Variants in FBXL17 observed in about 807,000 individuals in gnomAD.
The protein encoded by FBXL17 is F-box/LRR-repeat protein 17.
Under a neutral mutation model 66.2 loss-of-function variants are expected in FBXL17, and 22 were observed. That is an observed-to-expected ratio of 0.33 (90% CI 0.24 to 0.47). FBXL17 has a LOEUF of 0.47. Among genes scored for constraint, FBXL17 ranks in the 20% least tolerant of loss-of-function variants. The probability of loss-of-function intolerance (pLI) is 1.00; values close to 1 mark genes in which losing one functional copy is unlikely to be tolerated. For missense variants in FBXL17, 878 were observed against 948.2 expected, an observed-to-expected ratio of 0.93 and a Z score of 0.97; for synonymous variants, 474 against 400.5, an observed-to-expected ratio of 1.18 and a Z score of -2.19.
chr5:107,991,822 T>A (rs1263695369), intron 7 of FBXL17, among the ~76,000 whole-genome samples: 3 of 152,158 alleles, frequency 2.0e-5, no homozygotes, highest in Non-Finnish European at 2.9e-5. Context: ...TATCCTTTCA[T>A]TAGCTTGGAA....
At chr5:108,094,884 A>C (rs922830440) in intron 6 of FBXL17, among the ~76,000 whole-genome samples, 11 of 151,934 alleles carry the variant, frequency 7.2e-5, no homozygotes, top group African/African-American at 2.7e-4. Context: ...CAAAAAAAAA[A>C]AATAAATGAG....
At chr5:108,371,679 C>T (rs1749048647) in intron 1 of FBXL17, among the ~76,000 whole-genome samples, 1 of 151,576 alleles carries the variant, frequency 6.6e-6, no homozygotes, top group Non-Finnish European at 1.5e-5. Context: ...ATTATGAGAA[C>T]CAAATAGAAA....
intron 8 of FBXL17, among the ~76,000 whole-genome samples, chr5:107,864,122 C>T (rs1363919061): frequency 6.6e-6 from 1 of 152,126 alleles, no homozygotes; most frequent in African/African-American, 2.4e-5. Context: ...ACTGTTATAG[C>T]GATTAAATAT....
At chr5:108,244,767 C>T (rs962567559) in intron 4 of FBXL17, among the ~76,000 whole-genome samples, 1 of 152,120 alleles carries the variant, frequency 6.6e-6, no homozygotes, top group Non-Finnish European at 1.5e-5. Flanking sequence ...TGAAGTTATA[C>T]ATCAGGGGGA....
chr5:108,094,161 C>A (rs1194224618), intron 6 of FBXL17, among the ~76,000 whole-genome samples: 2 of 152,054 alleles, frequency 1.3e-5, no homozygotes, highest in African/African-American at 4.8e-5. Context: ...CAATCTATAG[C>A]TCATAGTAGT....
At chr5:108,369,772 C>T (rs1748908240) in intron 1 of FBXL17, among the ~76,000 whole-genome samples, 1 of 151,812 alleles carries the variant, frequency 6.6e-6, no homozygotes, top group African/African-American at 2.4e-5. Flanking sequence ...CACTGAGATC[C>T]AGAATTGAAC....
At chr5:108,176,881 GA>G (rs1412718808) in intron 6 of FBXL17, among the ~76,000 whole-genome samples, 1 of 152,016 alleles carries the variant, frequency 6.6e-6, no homozygotes, top group African/African-American at 2.4e-5. Context: ...AATTTTACCA[GA>G]AAAACTTTGC....
intron 4 of FBXL17, among the ~76,000 whole-genome samples, chr5:108,272,737 A>G (rs2150139766): frequency 6.6e-6 from 1 of 152,296 alleles, no homozygotes; most frequent in South Asian, 2.1e-4. Flanking sequence ...AATCAATATT[A>G]TTGTCATCAG....
intron 6 of FBXL17, among the ~76,000 whole-genome samples, chr5:108,051,934 C>A (rs1460210727): frequency 1.3e-5 from 2 of 151,702 alleles, no homozygotes; most frequent in Admixed American, 6.6e-5. Flanking sequence ...CATGGTGAAA[C>A]CCTGTCTCTT....
intron 7 of FBXL17, among the ~76,000 whole-genome samples, chr5:107,986,106 T>C (rs2112681355): frequency 6.6e-6 from 1 of 152,248 alleles, no homozygotes; most frequent in Non-Finnish European, 1.5e-5. Context: ...AGATTATCAG[T>C]AATTGAATCT....
At chr5:108,106,143 C>T (rs1372409055) in intron 6 of FBXL17, among the ~76,000 whole-genome samples, 2 of 152,152 alleles carry the variant, frequency 1.3e-5, no homozygotes, top group African/African-American at 4.8e-5. Context: ...CCAGAGGTAC[C>T]ATCTCCACCA....
At chr5:107,900,564 A>T (rs1473225017) in intron 7 of FBXL17, among the ~76,000 whole-genome samples, 1 of 151,990 alleles carries the variant, frequency 6.6e-6, no homozygotes, top group East Asian at 1.9e-4. Context: ...ACTAAAGAAT[A>T]TCAGACAATG....
chr5:108,344,064 A>C (rs907097478), intron 4 of FBXL17, among the ~76,000 whole-genome samples: 2 of 152,198 alleles, frequency 1.3e-5, no homozygotes, highest in African/African-American at 4.8e-5. Flanking sequence ...AATTAAGATA[A>C]CTAAAGCAAG....
rs539872167 is a variant in FBXL17 at position 108,085,085 on chromosome 5, G to A, written c.1746-64084C>T. Among the ~76,000 whole-genome samples, 12 of 152,252 alleles carry A rather than the reference G, an allele frequency of 7.9e-5. No homozygotes were observed. In the East Asian group the frequency reaches 2.1e-3, roughly 27 times the overall value. On this transcript the variant is annotated intron_variant, in intron 6 of 8. Coordinates refer to ENST00000542267, the MANE Select transcript of FBXL17 (RefSeq NM_001163315.3). ...CCCAGAGGTGAACCAGAGCAAAAAA[G>A]ACAAGATGAAAGTCAAACATATCAA...
At chr5:108,011,825 AAAAC>A (rs995593477) in intron 7 of FBXL17, among the ~76,000 whole-genome samples, 8 of 152,290 alleles carry the variant, frequency 5.3e-5, no homozygotes, top group Admixed American at 3.9e-4. Flanking sequence ...CTCTATCTCA[AAAAC>A]AAACAAACAA....
intron 6 of FBXL17, among the ~76,000 whole-genome samples, chr5:108,049,302 C>G (rs1747382160): frequency 1.3e-5 from 2 of 151,948 alleles, no homozygotes. Context: ...ACCACCACAC[C>G]CAGCTAATTT....
At chr5:108,104,911 G>A (rs1383218368) in intron 6 of FBXL17, among the ~76,000 whole-genome samples, 3 of 151,934 alleles carry the variant, frequency 2.0e-5, no homozygotes, top group African/African-American at 7.3e-5. Flanking sequence ...GTGCCATCTC[G>A]GCTCACTGCA....
At chr5:108,057,583 C>T (rs1371176546) in intron 6 of FBXL17, among the ~76,000 whole-genome samples, 1 of 152,134 alleles carries the variant, frequency 6.6e-6, no homozygotes, top group East Asian at 1.9e-4. Context: ...AAATTAAATG[C>T]ACAATCTTCA....
intron 6 of FBXL17, among the ~76,000 whole-genome samples, chr5:108,126,647 C>CTATATA (rs1383217924): frequency 2.6e-5 from 2 of 77,026 alleles, no homozygotes; most frequent in African/African-American, 9.1e-5. Flanking sequence ...CTCTCTCTCT[C>CTATATA]TCTCTATATA....
Sources: allele counts gnomAD v4.1 joint callset (sites outside exome capture counted in the v4.1 genomes callset), GRCh38; gene constraint gnomAD v4.1.1; transcripts MANE v1.5; gene names NCBI Gene and HGNC (gene_info 2026-07-23, HGNC 2026-07-21).